CADPS: variants seen among roughly 807,000 people sequenced by gnomAD.
The protein encoded by CADPS is calcium-dependent secretion activator 1.
In CADPS, 57 loss-of-function variants were observed where a neutral mutation model predicts 167.3. That is an observed-to-expected ratio of 0.34 (90% CI 0.28 to 0.42). The LOEUF is 0.42. Ranked by LOEUF, CADPS falls within the 20% of genes least tolerant of loss-of-function variation. CADPS has a pLI of 1.00. For missense variants in CADPS, 1,414 were observed against 1,738.1 expected (o/e 0.81, Z 3.32); for synonymous variants, 676 against 635.3 (o/e 1.06, Z -0.96).
chr3:62,694,781 C>T (rs995048393), intron 3 of CADPS, among the ~76,000 whole-genome samples: 43 of 151,932 alleles, frequency 2.8e-4, no homozygotes, highest in African/African-American at 9.7e-4. Flanking sequence ...AGGAAATGGC[C>T]CAACTTAAAG....
intron 3 of CADPS, among the ~76,000 whole-genome samples, chr3:62,702,303 T>A (rs145617054): frequency 7.2e-5 from 11 of 152,250 alleles, no homozygotes; most frequent in African/African-American, 2.4e-4. Flanking sequence ...AAGCCAAAGA[T>A]TGTGGGAGAT....
At chr3:62,530,675 T>C (rs751170575) in intron 13 of CADPS, 1 of 1,288,250 alleles carries the variant, frequency 7.8e-7, no homozygotes. Context: ...TTGATTTGCC[T>C]GGGTTTTGGA....
chr3:62,558,326 T>C (rs1278450725), intron 9 of CADPS, among the ~76,000 whole-genome samples: 1 of 152,218 alleles, frequency 6.6e-6, no homozygotes, highest in East Asian at 1.9e-4. Context: ...CAGGCCCGCC[T>C]TCAGGACCCT....
At chr3:62,579,964 G>A (rs1244460892) in intron 8 of CADPS, among the ~76,000 whole-genome samples, 1 of 152,082 alleles carries the variant, frequency 6.6e-6, no homozygotes, top group Non-Finnish European at 1.5e-5. Flanking sequence ...GTGAAAGGTT[G>A]AATTCTAGAT....
chr3:62,828,252 G>A (rs192954593), intron 1 of CADPS, among the ~76,000 whole-genome samples: 237 of 152,262 alleles, frequency 1.6e-3, no homozygotes, highest in African/African-American at 5.0e-3. Flanking sequence ...CTTCTAAGTC[G>A]TGGAGCCAGG....
chr3:62,569,348 C>T (rs1026729896), intron 9 of CADPS, among the ~76,000 whole-genome samples: 5 of 152,168 alleles, frequency 3.3e-5, no homozygotes, highest in African/African-American at 9.6e-5. Context: ...GTGATCCACC[C>T]GTCTCGGCTT....
chr3:62,705,891 C>A (rs1449163872), intron 3 of CADPS, among the ~76,000 whole-genome samples: 1 of 152,170 alleles, frequency 6.6e-6, no homozygotes, highest in Non-Finnish European at 1.5e-5. Context: ...CTGCTCTCAG[C>A]AGCCATGGTG....
chr3:62,705,992 G>A (rs770413118), intron 3 of CADPS, among the ~76,000 whole-genome samples: 50 of 152,040 alleles, frequency 3.3e-4, no homozygotes, highest in Non-Finnish European at 5.6e-4. Flanking sequence ...TAGTGATGGC[G>A]TCCAAGGCCC....
At chr3:62,505,502 C>G (rs1440507819) in intron 17 of CADPS, among the ~76,000 whole-genome samples, 1 of 152,160 alleles carries the variant, frequency 6.6e-6, no homozygotes, top group African/African-American at 2.4e-5. Context: ...TGACTCAGGT[C>G]TCATCATTTC....
chr3:62,852,396 TG>T (rs2078803918), intron 1 of CADPS, among the ~76,000 whole-genome samples: 1 of 152,176 alleles, frequency 6.6e-6, no homozygotes, highest in African/African-American at 2.4e-5. Flanking sequence ...AGACCGGAGC[TG>T]TTCCTATTCG....
chr3:62,585,129 T>G, intron 8 of CADPS, 56 bp downstream of exon 8: 1 of 1,540,950 alleles, frequency 6.5e-7, no homozygotes, highest in South Asian at 1.2e-5. Context: ...TTGTTTTCAT[T>G]TTGAGAAATG....
intron 3 of CADPS, among the ~76,000 whole-genome samples, chr3:62,720,588 C>T (rs496555): frequency 0.2 from 30,359 of 152,002 alleles, 3,247 homozygotes; most frequent in African/African-American, 0.23. Flanking sequence ...ACCCTCCTGC[C>T]TCAGCCTCCC....
At chr3:62,870,165 T>C (rs374032802) in intron 1 of CADPS, among the ~76,000 whole-genome samples, 57 of 152,280 alleles carry the variant, frequency 3.7e-4, no homozygotes, top group African/African-American at 1.3e-3. Flanking sequence ...CAAGCCCATT[T>C]AAATAATTCA....
At chr3:62,591,548 G>A (rs1275866934) in intron 7 of CADPS, among the ~76,000 whole-genome samples, 2 of 152,110 alleles carry the variant, frequency 1.3e-5, no homozygotes, top group Non-Finnish European at 2.9e-5. Flanking sequence ...TAGGCGGGGA[G>A]GAATGTGGCA....
At chr3:62,822,337 T>A (rs2073128282) in intron 1 of CADPS, among the ~76,000 whole-genome samples, 1 of 152,182 alleles carries the variant, frequency 6.6e-6, no homozygotes, top group Non-Finnish European at 1.5e-5. Flanking sequence ...TATTAAACAT[T>A]TTCTTTCCAT....
At chr3:62,635,613 C>A (rs893128488) in intron 6 of CADPS, among the ~76,000 whole-genome samples, 2 of 149,568 alleles carry the variant, frequency 1.3e-5, no homozygotes, top group African/African-American at 2.5e-5. Context: ...AGCACTCATA[C>A]AATGGGTTCA....
At chr3:62,830,772 T>C (rs1323495448) in intron 1 of CADPS, among the ~76,000 whole-genome samples, 2 of 152,168 alleles carry the variant, frequency 1.3e-5, no homozygotes, top group Non-Finnish European at 2.9e-5. Flanking sequence ...ATACGTTTTG[T>C]GGAGACTTGA....
At chr3:62,647,817 C>T (rs1482711388) in intron 5 of CADPS, among the ~76,000 whole-genome samples, 1 of 152,234 alleles carries the variant, frequency 6.6e-6, no homozygotes, top group South Asian at 2.1e-4. Flanking sequence ...CTCTCTGAGG[C>T]TTAGTTACTA....
chr3:62,597,161 C>A (rs1479359428), intron 6 of CADPS, among the ~76,000 whole-genome samples: 1 of 151,996 alleles, frequency 6.6e-6, no homozygotes, highest in Non-Finnish European at 1.5e-5. Context: ...AAGACCCAGG[C>A]TTTTTATTTT....
Sources: gnomAD v4.1 joint callset for allele counts (sites outside exome capture counted in the v4.1 genomes callset) on GRCh38, gnomAD v4.1.1 for gene constraint, MANE v1.5 for transcripts, NCBI Gene and HGNC (gene_info 2026-07-23, HGNC 2026-07-21) for gene names.